The following SDK1 variants were observed in gnomAD, a reference collection of about 807,000 sequenced individuals.
SDK1 encodes sidekick cell adhesion molecule 1.
In SDK1, 157 loss-of-function variants were observed where a neutral mutation model predicts 245.5. The observed-to-expected ratio is 0.64, with a 90% CI of 0.56 to 0.73. The LOEUF is 0.73. SDK1 is among the 30% of genes least tolerant of loss of function. The pLI is 0.00. For synonymous variants in SDK1, 1,647 were observed against 1,278.5 expected, an observed-to-expected ratio of 1.29 and a Z score of -6.15; for missense variants, 3,583 against 3,002.3, an observed-to-expected ratio of 1.19 and a Z score of -4.52.
intron 28 of SDK1, among the ~76,000 whole-genome samples, chr7:4,135,630 G>T (rs749555609): frequency 1.1e-4 from 16 of 152,206 alleles, no homozygotes; most frequent in Non-Finnish European, 2.2e-4. Context: ...ATGCTTATTA[G>T]CTGAGTGAAT....
intron 9 of SDK1, among the ~76,000 whole-genome samples, chr7:3,963,947 C>T (rs888774395): frequency 2.6e-5 from 4 of 152,022 alleles, no homozygotes; most frequent in Admixed American, 6.5e-5. Flanking sequence ...ACACCCAGGC[C>T]GACGGCTACC....
chr7:3,689,438 G>T lies in SDK1; in HGVS notation c.713+47333G>T, dbSNP rs143697294. 1.4e-3 allele frequency among the ~76,000 whole-genome samples: 217 copies of T among 152,330 alleles called. 2 individuals carry two copies. In the East Asian group the frequency reaches 0.032, roughly 22 times the overall value. On this transcript the variant is annotated intron_variant, in intron 4 of 44. Transcript: ENST00000404826. The stretch of plus-strand genomic sequence containing the variant: ...TACAAGCTAAGCAGGGTGGAACAGA[G>T]AGAGGGAGGGGCCTGCATTCTTGAC...
At chr7:3,496,099 T>TG (rs1477854130) in intron 1 of SDK1, among the ~76,000 whole-genome samples, 1 of 152,150 alleles carries the variant, frequency 6.6e-6, no homozygotes, top group African/African-American at 2.4e-5. Context: ...ACCCTGGAGA[T>TG]GCGTAGTGTG....
intron 1 of SDK1, among the ~76,000 whole-genome samples, chr7:3,468,453 G>A (rs1053825021): frequency 1.3e-5 from 2 of 152,034 alleles, no homozygotes; most frequent in African/African-American, 4.8e-5. Flanking sequence ...TCTTCCCCAA[G>A]GCAGATCATA....
At chr7:3,471,754 C>CTTTG (rs1469903112) in intron 1 of SDK1, among the ~76,000 whole-genome samples, 2 of 152,016 alleles carry the variant, frequency 1.3e-5, no homozygotes, top group Non-Finnish European at 2.9e-5. Context: ...ACAGAGTAAG[C>CTTTG]TTTGTATGGT....
chr7:3,379,344 G>T (rs967157733), intron 1 of SDK1, among the ~76,000 whole-genome samples: 1 of 152,114 alleles, frequency 6.6e-6, no homozygotes, highest in Non-Finnish European at 1.5e-5. Flanking sequence ...CGCTGAGGGG[G>T]CATATGAAAA....
chr7:4,050,894 A>AC (rs1305843740), intron 18 of SDK1, among the ~76,000 whole-genome samples: 4 of 144,222 alleles, frequency 2.8e-5, no homozygotes, highest in African/African-American at 1.0e-4. Context: ...ACCATATAGT[A>AC]TATATTATAT....
intron 27 of SDK1, chr7:4,130,317 A>T (rs551648716): frequency 1.7e-6 from 1 of 577,444 alleles, no homozygotes; most frequent in South Asian, 2.2e-5. Context: ...ACCTGTACTG[A>T]GTTTCCCTCA....
intron 4 of SDK1, among the ~76,000 whole-genome samples, chr7:3,779,064 T>C (rs1780646425): frequency 6.6e-6 from 1 of 152,212 alleles, no homozygotes; most frequent in Non-Finnish European, 1.5e-5. Flanking sequence ...AGTATTAAAT[T>C]ATGGATGTTC....
chr7:3,629,583 C>T (rs892980524), intron 2 of SDK1, among the ~76,000 whole-genome samples: 5 of 152,188 alleles, frequency 3.3e-5, no homozygotes, highest in African/African-American at 1.2e-4. Flanking sequence ...TGTCTTGGGT[C>T]AGGAGAATGA....
intron 22 of SDK1, among the ~76,000 whole-genome samples, chr7:4,093,666 C>G (rs7779346): frequency 0.25 from 37,326 of 152,128 alleles, 5,259 homozygotes; most frequent in African/African-American, 0.37. Context: ...GACGCCGAGG[C>G]TGCCGGCGGC....
chr7:3,690,051 G>C (rs755353897), intron 4 of SDK1, among the ~76,000 whole-genome samples: 1 of 152,136 alleles, frequency 6.6e-6, no homozygotes, highest in Non-Finnish European at 1.5e-5. Context: ...CCATTTCTTA[G>C]AATAATGCCT....
chr7:3,849,734 G>C (rs1011961305), intron 5 of SDK1, among the ~76,000 whole-genome samples: 5 of 152,196 alleles, frequency 3.3e-5, no homozygotes, highest in African/African-American at 1.2e-4. Flanking sequence ...GCCATTGCCT[G>C]TGTTACAACA....
At chr7:3,606,941 A>C (rs1781443905) in intron 1 of SDK1, among the ~76,000 whole-genome samples, 1 of 152,176 alleles carries the variant, frequency 6.6e-6, no homozygotes, top group African/African-American at 2.4e-5. Context: ...AACCTTCAAA[A>C]ATCTATGGAA....
At chr7:4,215,270 T>C (rs1784729609) in intron 38 of SDK1, among the ~76,000 whole-genome samples, 1 of 152,180 alleles carries the variant, frequency 6.6e-6, no homozygotes, top group African/African-American at 2.4e-5. Flanking sequence ...AGATTCCCAA[T>C]TGGTGGGTGG....
At chr7:4,039,199 GT>G (rs1285088647) in intron 17 of SDK1, among the ~76,000 whole-genome samples, 1 of 151,922 alleles carries the variant, frequency 6.6e-6, no homozygotes, top group Non-Finnish European at 1.5e-5. Flanking sequence ...TATACCTAAT[GT>G]TAAATGACGA....
At chr7:4,197,036 A>C (rs183584018) in intron 35 of SDK1, among the ~76,000 whole-genome samples, 33 of 152,332 alleles carry the variant, frequency 2.2e-4, no homozygotes, top group African/African-American at 7.7e-4. Flanking sequence ...AAACAGAAAT[A>C]ATGGGAGTGG....
chr7:3,531,789 TGTAAA>T (rs1268575605), intron 1 of SDK1, among the ~76,000 whole-genome samples: 3 of 152,252 alleles, frequency 2.0e-5, no homozygotes, highest in African/African-American at 7.2e-5. Context: ...ATCTGAACAA[TGTAAA>T]GTGTTACAGA....
intron 1 of SDK1, among the ~76,000 whole-genome samples, chr7:3,594,324 A>G (rs1780983496): frequency 6.6e-6 from 1 of 152,272 alleles, no homozygotes; most frequent in South Asian, 2.1e-4. Context: ...GTGTGTGGAT[A>G]TACCACATAT....
Sources: allele counts gnomAD v4.1 joint callset (sites outside exome capture counted in the v4.1 genomes callset), GRCh38; gene constraint gnomAD v4.1.1; transcripts MANE v1.5; gene names NCBI Gene and HGNC (gene_info 2026-07-23, HGNC 2026-07-21).